The following ARID1B variants were observed in gnomAD, a reference collection of about 807,000 sequenced individuals.
ARID1B encodes AT-rich interaction domain 1B.
In ARID1B, 30 loss-of-function variants were observed where a neutral mutation model predicts 212.3. The ratio of observed to expected loss-of-function variants is 0.14; its 90% CI spans 0.11 to 0.19. The LOEUF (loss-of-function observed/expected upper bound fraction) is 0.19, where lower values mean the gene tolerates loss of function less well. Among genes scored for constraint, ARID1B ranks in the 10% least tolerant of loss-of-function variants. The pLI is 1.00. For synonymous variants in ARID1B, 1,402 were observed against 1,301.7 expected (o/e 1.08, Z -1.66); for missense variants, 2,891 against 3,204.0 (o/e 0.90, Z 2.36).
At chr6:157,100,498 C>T (rs1191343348) in intron 5 of ARID1B, among the ~76,000 whole-genome samples, 2 of 152,132 alleles carry the variant, frequency 1.3e-5, no homozygotes, top group Non-Finnish European at 2.9e-5. Context: ...GATTTTTTTC[C>T]GTTCTTGAAG....
At chr6:157,061,741 T>C (rs772295240) in intron 4 of ARID1B, among the ~76,000 whole-genome samples, 1 of 152,206 alleles carries the variant, frequency 6.6e-6, no homozygotes, top group Non-Finnish European at 1.5e-5. Context: ...CCATCCAAAG[T>C]GCCTACTCTG....
At chr6:157,097,768 G>A (rs1785753027) in intron 5 of ARID1B, among the ~76,000 whole-genome samples, 1 of 152,186 alleles carries the variant, frequency 6.6e-6, no homozygotes, top group Non-Finnish European at 1.5e-5. Context: ...TTTCTCCTGG[G>A]GGCCCAGGTG....
At chr6:156,835,239 CAAA>C (rs58070286) in intron 2 of ARID1B, among the ~76,000 whole-genome samples, 7 of 107,602 alleles carry the variant, frequency 6.5e-5, no homozygotes, top group Admixed American at 9.9e-5. Flanking sequence ...GACTCTGTCA[CAAA>C]AAAAAAAAAA....
At chr6:157,030,939 C>T (rs1047224793) in intron 4 of ARID1B, among the ~76,000 whole-genome samples, 2 of 152,122 alleles carry the variant, frequency 1.3e-5, no homozygotes, top group African/African-American at 4.8e-5. Context: ...TGCTGGCTAA[C>T]GGTGCACTGA....
At position 157,166,908 on chromosome 6, in the gene ARID1B, T is replaced by C. The variant is rs1415051343; in HGVS notation, c.3090-132T>C. 3.2e-6 allele frequency: 4 copies of C among 1,256,194 alleles called. No homozygotes were observed. The Admixed American group carries it at 1.0e-4, about 32-fold the overall frequency. The allele number at this position is 1,256,194 out of a possible 1,614,324, so 77.8% of individuals were successfully genotyped here. On this transcript the variant is annotated intron_variant, in intron 8 of 19. Transcript: ENST00000636930. Reference sequence around the variant, plus strand: ...TTCAGCCTTTCTCTCCAGGAAATAATCTGTTTTACACAAACATGAAAAGTT... The same window carrying C: ...TTCAGCCTTTCTCTCCAGGAAATAACCTGTTTTACACAAACATGAAAAGTT...
intron 8 of ARID1B, among the ~76,000 whole-genome samples, chr6:157,160,924 A>G (rs1264820766): frequency 6.6e-6 from 1 of 152,086 alleles, no homozygotes. Context: ...CACATAACAC[A>G]CAGACCTCTC....
chr6:157,073,129 G>A (rs1418735919), intron 4 of ARID1B, among the ~76,000 whole-genome samples: 7 of 136,212 alleles, frequency 5.1e-5, no homozygotes, highest in East Asian at 2.1e-4. Context: ...TGGAGACACA[G>A]CCTCACTCTG....
chr6:157,018,011 A>G (rs1211279953), intron 4 of ARID1B, among the ~76,000 whole-genome samples: 3 of 150,132 alleles, frequency 2.0e-5, no homozygotes, highest in Non-Finnish European at 4.4e-5. Flanking sequence ...ATGTGCTTGT[A>G]GTCCCAGTTA....
chr6:156,959,663 A>G (rs1794225284), intron 4 of ARID1B, among the ~76,000 whole-genome samples: 1 of 152,156 alleles, frequency 6.6e-6, no homozygotes, highest in Non-Finnish European at 1.5e-5. Flanking sequence ...AGAAACTGTG[A>G]CTGTGTAAAG....
chr6:156,894,956 A>C (rs1788264996), intron 2 of ARID1B, among the ~76,000 whole-genome samples: 1 of 152,172 alleles, frequency 6.6e-6, no homozygotes, highest in Non-Finnish European at 1.5e-5. Flanking sequence ...TTAGTACTGG[A>C]CAGGCATGTG....
At chr6:157,176,729 C>A (rs373232873) in intron 11 of ARID1B, among the ~76,000 whole-genome samples, 2 of 152,016 alleles carry the variant, frequency 1.3e-5, no homozygotes, top group Non-Finnish European at 2.9e-5. Flanking sequence ...GCCTGTAATC[C>A]CAGCTACTCG....
chr6:156,835,129 C>T (rs1409443036), intron 2 of ARID1B, among the ~76,000 whole-genome samples: 1 of 151,390 alleles, frequency 6.6e-6, no homozygotes, highest in East Asian at 1.9e-4. Flanking sequence ...AGTCCCAGCT[C>T]CTCGGGAAGC....
intron 9 of ARID1B, chr6:157,173,720 TATA>T: frequency 4.2e-6 from 1 of 236,472 alleles, no homozygotes; most frequent in Non-Finnish European, 8.2e-6. Flanking sequence ...CTTTTGAAGG[TATA>T]ATAATTTTGA....
intron 2 of ARID1B, among the ~76,000 whole-genome samples, chr6:156,865,912 T>G (rs1295063739): frequency 2.0e-5 from 3 of 152,202 alleles, no homozygotes; most frequent in Non-Finnish European, 4.4e-5. Flanking sequence ...CTCTTTGAGA[T>G]ACTGATTGTA....
rs540797130 is a variant in ARID1B, at chr6:156,862,980, C to T, written c.1986+33559C>T. Among the ~76,000 whole-genome samples, 5 of 152,272 alleles carry T rather than the reference C, an allele frequency of 3.3e-5. No individual in the cohort carries two copies. In the South Asian group the frequency reaches 1.0e-3, roughly 32 times the overall value. The stretch of plus-strand genomic sequence containing the variant: ...GTGGAGGGTGGCGTCAGTGCCTTGA[C>T]GGAATATGGGCCTGCGCCTTAGTTG... On this transcript the variant is annotated intron_variant, in intron 2 of 19. Transcript: ENST00000636930.
intron 2 of ARID1B, among the ~76,000 whole-genome samples, chr6:156,854,141 A>T (rs1055951167): frequency 4.6e-5 from 7 of 152,260 alleles, no homozygotes; most frequent in African/African-American, 1.4e-4. Flanking sequence ...GAATGTTTTC[A>T]TAAAACATGT....
At position 157,197,573 on chromosome 6, in the gene ARID1B, C is replaced by T. The variant is rs561190885; in HGVS notation, c.4383-1238C>T. Among the ~76,000 whole-genome samples, 36 of 152,354 alleles carry T rather than the reference C, an allele frequency of 2.4e-4. No individual in the cohort carries two copies. The South Asian group carries it at 7.0e-3, about 30-fold the overall frequency. The stretch of plus-strand genomic sequence containing the variant: ...GACCTAGGAATTTACTCTTCTAATT[C>T]TTAACCCGGCCATAATACGGCCAAT... On this transcript the variant is annotated intron_variant, in intron 16 of 19. Transcript: ENST00000636930.
At chr6:156,889,349 A>T (rs1787752599) in intron 2 of ARID1B, among the ~76,000 whole-genome samples, 1 of 152,200 alleles carries the variant, frequency 6.6e-6, no homozygotes, top group Non-Finnish European at 1.5e-5. Context: ...AATACTCTCG[A>T]TTGGATCCTC....
At chr6:156,881,431 AATAT>A (rs1226902065) in intron 2 of ARID1B, among the ~76,000 whole-genome samples, 1 of 152,218 alleles carries the variant, frequency 6.6e-6, no homozygotes, top group East Asian at 1.9e-4. Context: ...CTGTTTTAAA[AATAT>A]ATGTATGTAT....
Sources: gnomAD v4.1 joint callset for allele counts (sites outside exome capture counted in the v4.1 genomes callset) on GRCh38, gnomAD v4.1.1 for gene constraint, MANE v1.5 for transcripts, NCBI Gene and HGNC (gene_info 2026-07-23, HGNC 2026-07-21) for gene names.